KPNA1: variants seen among roughly 807,000 people sequenced by gnomAD.
KPNA1 encodes the protein importin subunit alpha-5.
A neutral mutation model predicts 70.5 loss-of-function variants in KPNA1; 10 were observed. The observed-to-expected ratio is 0.14, with a 90% confidence interval of 0.09 to 0.24. The LOEUF (loss-of-function observed/expected upper bound fraction) is 0.24, where lower values mean the gene tolerates loss of function less well. Among genes scored for constraint, KPNA1 ranks in the 10% least tolerant of loss-of-function variants. The probability of loss-of-function intolerance (pLI) is 1.00; values close to 1 mark genes in which losing one functional copy is unlikely to be tolerated. For synonymous variants in KPNA1, 192 were observed against 221.9 expected (o/e 0.87, Z 1.20); for missense variants, 397 against 637.9 (o/e 0.62, Z 4.07).
rs547075715 is a variant in KPNA1 at position 122,492,022 on chromosome 3, C to T, written c.129+4415G>A. ...GACTACAGGCGCGCGCCACCATGCC[C>T]GGCTAATTTTTGTATTTTTAGTAGA... On this transcript the variant is annotated intron_variant, in intron 2 of 13. Coordinates refer to ENST00000344337, the MANE Select transcript of KPNA1 (RefSeq NM_002264.4). Among the ~76,000 whole-genome samples the T allele has an allele frequency of 1.0e-3, 157 of 151,190 alleles. 1 individual carries two copies. Among genetic ancestry groups the T allele is most frequent in the Middle Eastern group, 3.4e-3 (1 of 294 alleles).
At chr3:122,496,858 C>T (rs1017208503) in intron 1 of KPNA1, among the ~76,000 whole-genome samples, 2 of 152,144 alleles carry the variant, frequency 1.3e-5, no homozygotes, top group African/African-American at 2.4e-5. Context: ...TGCATGCCAC[C>T]ATGCCCAGAG....
chr3:122,482,603 C>G (rs1221184036), intron 2 of KPNA1, among the ~76,000 whole-genome samples: 1 of 152,088 alleles, frequency 6.6e-6, no homozygotes, highest in Admixed American at 6.5e-5. Context: ...GTAAAAAACC[C>G]AATGGAATCT....
chr3:122,478,682 C>A (rs1006192182), intron 2 of KPNA1, among the ~76,000 whole-genome samples: 1 of 148,706 alleles, frequency 6.7e-6, no homozygotes. Flanking sequence ...GAGCCAAGAT[C>A]GCGCCACTGC....
chr3:122,455,619 G>A (rs931966808), intron 5 of KPNA1, among the ~76,000 whole-genome samples: 2 of 151,908 alleles, frequency 1.3e-5, no homozygotes, highest in Non-Finnish European at 2.9e-5. Context: ...GCAATGTCAC[G>A]TTCTCAGCTC....
chr3:122,453,753 T>A, intron 6 of KPNA1, 117 bp downstream of exon 6: 1 of 889,910 alleles, frequency 1.1e-6, no homozygotes, highest in African/African-American at 1.7e-5. Flanking sequence ...GCTAGGCTGG[T>A]CTCGAACTCC....
In KPNA1 at chr3:122,424,245, A is replaced by G. The variant is rs1331542261; in HGVS notation, c.*2740T>C. 1 of 152,244 alleles carries G rather than the reference A, an allele frequency of 6.6e-6. No homozygotes were observed. 9.4% of individuals were successfully genotyped at this position (152,244 alleles called of 1,614,324 possible). ...TACAAAAGAGTTTTCCTGTATTGAA[A>G]TTAACATGCTTTTGTAATGAGCAAC... is the stretch of plus-strand genomic sequence containing the variant. On this transcript the variant is annotated 3_prime_UTR_variant, in exon 14 of 14. Transcript: ENST00000344337.
intron 2 of KPNA1, among the ~76,000 whole-genome samples, chr3:122,469,514 T>C (rs189813023): frequency 6.6e-6 from 1 of 152,210 alleles, no homozygotes; most frequent in Non-Finnish European, 1.5e-5. Flanking sequence ...TGGAAAACTT[T>C]GTAATTTCGA....
Position 122,423,254 on chromosome 3 carries a change from T to C in KPNA1, c.*3731A>G, listed in dbSNP as rs1488810291. ...AAAATATTTCCCAACCTGGCAGATA[T>C]ATACTTAATCTGTTCAGCTCACAAC... is the stretch of plus-strand genomic sequence containing the variant. On this transcript the variant is annotated 3_prime_UTR_variant, in exon 14 of 14. Coordinates refer to ENST00000344337, the MANE Select transcript of KPNA1 (RefSeq NM_002264.4). 6.6e-6 allele frequency: 1 copy of C among 152,186 alleles called. No individual in the cohort carries two copies. The highest frequency in any genetic ancestry group is 1.5e-5 in the Non-Finnish European group (1 of 68,032). The allele number at this position is 152,186 out of a possible 1,614,324, so 9.4% of individuals were successfully genotyped here.
intron 12 of KPNA1, among the ~76,000 whole-genome samples, chr3:122,428,237 T>C (rs2075849032): frequency 6.6e-6 from 1 of 152,208 alleles, no homozygotes; most frequent in Admixed American, 6.5e-5. Flanking sequence ...CCGTATGTAA[T>C]CAAGATTAAT....
chr3:122,450,454 C>T (rs544796197), intron 8 of KPNA1, among the ~76,000 whole-genome samples: 3 of 152,118 alleles, frequency 2.0e-5, no homozygotes, highest in East Asian at 3.9e-4. Context: ...TGGTGGTATG[C>T]GCCTGTAATC....
intron 9 of KPNA1, among the ~76,000 whole-genome samples, chr3:122,442,528 A>C (rs1451916390): frequency 6.6e-6 from 1 of 152,214 alleles, no homozygotes; most frequent in Non-Finnish European, 1.5e-5. Context: ...TAAAAGTGAC[A>C]CATCAACAGC....
At position 122,438,390 on chromosome 3, in the gene KPNA1, GTTTT is replaced by G. The variant is rs762256049; in HGVS notation, c.997-1099_997-1096del. On this transcript the variant is annotated intron_variant, in intron 10 of 13. Transcript: ENST00000344337. ...ACTCAGTCTTCGGTATTTCTTTTTT[GTTTT>G]TTTTTTTTTGAGACAGAGTTTCGCT... Among the ~76,000 whole-genome samples the G allele has an allele frequency of 1.9e-4, 26 of 138,788 alleles. No homozygotes were observed. The South Asian group carries it at 3.0e-3, about 16-fold the overall frequency. 91.1% of individuals were successfully genotyped at this position (138,788 alleles called of 152,430 possible). A position where few individuals can be genotyped will look rare whatever the true frequency, so the allele number is the denominator to read the frequency against.
intron 5 of KPNA1, chr3:122,459,490 A>G: frequency 1.0e-6 from 1 of 985,232 alleles, no homozygotes; most frequent in Non-Finnish European, 1.2e-6. Context: ...AAGGTTCCTC[A>G]TTTGGTCCCT....
At chr3:122,453,833 ACTTT>A in intron 6 of KPNA1, 33 bp downstream of exon 6, 2 of 1,572,828 alleles carry the variant, frequency 1.3e-6, no homozygotes, top group South Asian at 2.4e-5. Context: ...CCAGCCAAAA[ACTTT>A]CTTTCACCTG....
At chr3:122,442,728 G>T (rs1054330223) in intron 9 of KPNA1, 1 of 151,998 alleles carries the variant, frequency 6.6e-6, no homozygotes, top group Non-Finnish European at 1.5e-5. Context: ...TTCCTTAAGG[G>T]TCCTATTTTT....
At chr3:122,452,956 CT>C (rs965426385) in intron 6 of KPNA1, among the ~76,000 whole-genome samples, 2 of 151,474 alleles carry the variant, frequency 1.3e-5, no homozygotes, top group African/African-American at 2.4e-5. Flanking sequence ...TAGCCACTTT[CT>C]TTTTTTTTGA....
intron 3 of KPNA1, among the ~76,000 whole-genome samples, chr3:122,466,678 T>C (rs2076383910): frequency 6.6e-6 from 1 of 152,162 alleles, no homozygotes; most frequent in Non-Finnish European, 1.5e-5. Flanking sequence ...AACAGGTCAA[T>C]TTTGTAAATC....
At chr3:122,476,549 A>G (rs1183660872) in intron 2 of KPNA1, among the ~76,000 whole-genome samples, 4 of 152,310 alleles carry the variant, frequency 2.6e-5, no homozygotes, top group South Asian at 4.1e-4. Flanking sequence ...AAAATATATA[A>G]GGAACTCAAA....
Position 122,424,188 on chromosome 3 carries a change from CAA to C in KPNA1, c.*2795_*2796del, listed in dbSNP as rs1472446855. 2 of 152,112 alleles carry C rather than the reference CAA, an allele frequency of 1.3e-5. No individual in the cohort carries two copies. The highest frequency in any genetic ancestry group is 2.9e-5 in the Non-Finnish European group (2 of 67,976). The allele number at this position is 152,112 out of a possible 1,614,324, so 9.4% of individuals were successfully genotyped here. On this transcript the variant is annotated 3_prime_UTR_variant, in exon 14 of 14. Transcript: ENST00000344337. The stretch of plus-strand genomic sequence containing the variant: ...AGGGGAATAAAAAGGAAAAGTAAAA[CAA>C]AGTCACTTTCCCCAATCCATATATA...
Sources: allele counts gnomAD v4.1 joint callset (sites outside exome capture counted in the v4.1 genomes callset), GRCh38; gene constraint gnomAD v4.1.1; transcripts MANE v1.5; gene names NCBI Gene and HGNC (gene_info 2026-07-23, HGNC 2026-07-21).